The following ABCB4 variants were observed in gnomAD, a reference collection of about 807,000 sequenced individuals.
The protein encoded by ABCB4 is phosphatidylcholine translocator ABCB4.
ABCB4 carries 76 observed loss-of-function variants against 145.7 expected under a neutral mutation model. The observed-to-expected ratio is 0.52, with a 90% CI of 0.43 to 0.63. The LOEUF (loss-of-function observed/expected upper bound fraction) is 0.63. Ranked by LOEUF, ABCB4 falls within the 30% of genes least tolerant of loss-of-function variation. The pLI, the probability that ABCB4 is intolerant of heterozygous loss-of-function variation, is 0.00. For synonymous variants in ABCB4, 517 were observed against 566.8 expected (o/e 0.91, Z 1.25); for missense variants, 1,234 against 1,553.1 (o/e 0.79, Z 3.45).
At chr7:87,407,915 A>T in intron 25 of ABCB4, 122 bp downstream of exon 25, 2 of 1,257,808 alleles carry the variant, frequency 1.6e-6, no homozygotes, top group East Asian at 2.4e-5. Flanking sequence ...GGTTTATAGA[A>T]TGTGGTCATT....
At chr7:87,411,600 G>A (rs1808628590) in intron 23 of ABCB4, among the ~76,000 whole-genome samples, 1 of 152,024 alleles carries the variant, frequency 6.6e-6, no homozygotes, top group African/African-American at 2.4e-5. Flanking sequence ...GATTTTTTCT[G>A]CCTATATTCT....
At chr7:87,426,320 AT>A (rs1226456702) in intron 16 of ABCB4, among the ~76,000 whole-genome samples, 1 of 152,164 alleles carries the variant, frequency 6.6e-6, no homozygotes, top group Non-Finnish European at 1.5e-5. Flanking sequence ...CACCTCTAAG[AT>A]TTTGGCATGT....
chr7:87,369,229 A>G, the ABCB4 span: 1 of 505,338 alleles, frequency 2.0e-6, no homozygotes. Context: ...TTCCATTAAT[A>G]CATTATTTTT....
the ABCB4 span, chr7:87,382,237 TG>T: frequency 6.7e-7 from 1 of 1,482,944 alleles, no homozygotes; most frequent in Middle Eastern, 1.8e-4. Context: ...AACAACCATA[TG>T]TAAAAATTTG....
chr7:87,403,638 G>A (rs1489866943), intron 26 of ABCB4, among the ~76,000 whole-genome samples: 1 of 152,184 alleles, frequency 6.6e-6, no homozygotes, highest in Non-Finnish European at 1.5e-5. Flanking sequence ...CAGTCGCTTT[G>A]TTATGCCAGC....
At chr7:87,403,501 G>A in intron 26 of ABCB4, 1 of 553,840 alleles carries the variant, frequency 1.8e-6, no homozygotes, top group East Asian at 3.2e-5. Flanking sequence ...TTTAAAATAG[G>A]AGGAGGATAC....
At chr7:87,376,334 C>G in the ABCB4 span, among the ~76,000 whole-genome samples, 10 of 152,078 alleles carry the variant, frequency 6.6e-5, no homozygotes, top group South Asian at 2.1e-3. Context: ...TATCTTGACA[C>G]CATAGTTGGG....
chr7:87,408,125 G>T lies in ABCB4; in HGVS notation c.3191C>A (p.Thr1064Lys). Reference sequence around the variant, plus strand: ...GCCACTGCTGCCCACCAGGGCTAGTGTCTGGCCTTTCTTCACCTCCAGGCT... The same window carrying T: ...GCCACTGCTGCCCACCAGGGCTAGTTTCTGGCCTTTCTTCACCTCCAGGCT... ...GLSLEVKKGQTLALVGSSGCG... is the reference protein window; with the variant it reads ...GLSLEVKKGQKLALVGSSGCG... Residue 1064 changes from threonine to lysine, a missense_variant, in exon 25 of 28, where the codon ACA becomes AAA. Thr to Lys is a moderately conservative substitution (Grantham distance 78, BLOSUM62 -1). This residue lies in a region of ABCB4 where 301 missense variants were observed against 389.0 expected (regional missense o/e 0.77). Coordinates refer to ENST00000649586, the MANE Select transcript of ABCB4 (RefSeq NM_000443.4). 6.2e-7 allele frequency: 1 copy of T among 1,614,234 alleles called. No individual in the cohort carries two copies. Among genetic ancestry groups the T allele is most frequent in the South Asian group, 1.1e-5 (1 of 91,084 alleles).
the ABCB4 span, chr7:87,369,465 A>G: frequency 6.2e-7 from 1 of 1,611,350 alleles, no homozygotes; most frequent in African/African-American, 1.3e-5. Context: ...ATGTTTGGTC[A>G]CCCCGCCAGA....
chr7:87,475,730 G>GC, upstream of ABCB4: 1 of 339,800 alleles, frequency 2.9e-6, no homozygotes, highest in Middle Eastern at 7.3e-4. Context: ...CCCCGCCCCC[G>GC]CCCCCGCCCC....
At chr7:87,444,293 G>A (rs1267354586) in intron 10 of ABCB4, among the ~76,000 whole-genome samples, 1 of 152,156 alleles carries the variant, frequency 6.6e-6, no homozygotes, top group Non-Finnish European at 1.5e-5. Context: ...AATGAAAAAG[G>A]AAATTGCTTA....
intron 14 of ABCB4, among the ~76,000 whole-genome samples, chr7:87,432,339 T>G (rs1443233164): frequency 6.6e-6 from 1 of 152,194 alleles, no homozygotes; most frequent in African/African-American, 2.4e-5. Context: ...TAGCTTAAGA[T>G]CACTCCTACT....
chr7:87,440,155 T>C, intron 13 of ABCB4, 44 bp downstream of exon 13: 1 of 1,582,868 alleles, frequency 6.3e-7, no homozygotes. Flanking sequence ...TCCTATGAGG[T>C]GAAATTCTAA....
rs747272187 is a variant in ABCB4 at position 87,402,314 on chromosome 7, TCAGA to T, written c.3634-16_3634-13del. Reference sequence around the variant, plus strand: ...GCTTCTTGGACAACCTATTGATAAATCAGACAGACACCTTATCCCAAAAATTGTA... The same window carrying T: ...GCTTCTTGGACAACCTATTGATAAATCAGACACCTTATCCCAAAAATTGTA... On this transcript the variant is annotated splice_polypyrimidine_tract_variant and intron_variant, in intron 27 of 27. Transcript: ENST00000649586. 3 of 1,613,944 alleles carry T rather than the reference TCAGA, an allele frequency of 1.9e-6. No homozygotes were observed. Among genetic ancestry groups the T allele is most frequent in the Non-Finnish European group, 2.5e-6 (3 of 1,179,858 alleles).
At chr7:87,423,733 A>G (rs985035481) in intron 17 of ABCB4, 173 bp downstream of exon 17, 5 of 721,960 alleles carry the variant, frequency 6.9e-6, no homozygotes, top group Admixed American at 2.4e-5. Context: ...AGAGTGATTC[A>G]AAGGCTACTT....
In ABCB4 at chr7:87,426,788, T is replaced by A. The variant is rs755788303; in HGVS notation, c.2026A>T (p.Met676Leu). ...TCCACATCAAGGCTCTTCTGACACA[T>A]TTGTGAATTTTTAAGGTTTTTCTGA... ...STQKNLKNSQ[M>L]CQKSLDVETD... The change falls in exon 16 of 28, where the codon ATG becomes TTG. Residue 676 changes from methionine to leucine, a missense_variant. Coordinates refer to ENST00000649586, the MANE Select transcript of ABCB4 (RefSeq NM_000443.4). The A allele has an allele frequency of 8.7e-6, 14 of 1,613,848 alleles. No individual in the cohort carries two copies. The highest frequency in any genetic ancestry group is 1.2e-5 in the Non-Finnish European group (14 of 1,179,926).
chr7:87,470,010 C>T (rs1482755576), intron 3 of ABCB4, among the ~76,000 whole-genome samples: 1 of 152,092 alleles, frequency 6.6e-6, no homozygotes, highest in Non-Finnish European at 1.5e-5. Flanking sequence ...GGTACTGGTA[C>T]CAAAACAGAG....
At chr7:87,430,714 T>TG (rs748878823) in intron 15 of ABCB4, among the ~76,000 whole-genome samples, 9 of 152,000 alleles carry the variant, frequency 5.9e-5, no homozygotes, top group Non-Finnish European at 1.0e-4. Context: ...TTAGTAGAGA[T>TG]GGGGGTTTCA....
At chr7:87,368,877 C>G in the ABCB4 span, among the ~76,000 whole-genome samples, 1 of 152,204 alleles carries the variant, frequency 6.6e-6, no homozygotes. Context: ...TGTTACCAGA[C>G]TGGACAAAAT....
Sources: allele counts gnomAD v4.1 joint callset (sites outside exome capture counted in the v4.1 genomes callset), GRCh38; gene constraint gnomAD v4.1.1; regional missense constraint gnomAD v4.1.1; transcripts MANE v1.5; gene names NCBI Gene and HGNC (gene_info 2026-07-23, HGNC 2026-07-21).